PCMT1: variants seen among roughly 807,000 people sequenced by gnomAD.
PCMT1 encodes protein-L-isoaspartate (D-aspartate) O-methyltransferase.
A neutral mutation model predicts 29.2 loss-of-function variants in PCMT1; 9 were observed. The observed-to-expected ratio is 0.31, with a 90% CI of 0.19 to 0.54. The LOEUF (loss-of-function observed/expected upper bound fraction) is 0.54, where lower values mean the gene tolerates loss of function less well. Among genes scored for constraint, PCMT1 ranks in the 20% least tolerant of loss-of-function variants. The probability of loss-of-function intolerance (pLI) is 0.95; values close to 1 mark genes in which losing one functional copy is unlikely to be tolerated. For synonymous variants in PCMT1, 98 were observed against 97.5 expected (o/e 1.00, Z -0.03); for missense variants, 184 against 282.2 (o/e 0.65, Z 2.49).
chr6:149,777,901 A>C (rs530656517), intron 3 of PCMT1, among the ~76,000 whole-genome samples: 13 of 132,580 alleles, frequency 9.8e-5, no homozygotes, highest in African/African-American at 3.7e-4. Context: ...TTTTTCCACA[A>C]AGTCTCACTC....
intron 1 of PCMT1, among the ~76,000 whole-genome samples, chr6:149,751,476 CT>C (rs76128652): frequency 2.8e-3 from 332 of 116,514 alleles, no homozygotes; most frequent in African/African-American, 7.9e-3. Context: ...ATGGTTGGTA[CT>C]TTTTTTTTTT....
At chr6:149,757,977 G>A (rs897890366) in intron 1 of PCMT1, among the ~76,000 whole-genome samples, 17 of 152,026 alleles carry the variant, frequency 1.1e-4, no homozygotes, top group African/African-American at 4.1e-4. Flanking sequence ...CTGCCTCTCC[G>A]GTTTAAGTGA....
chr6:149,796,240 C>A, intron 5 of PCMT1, 175 bp from the exon 6 acceptor site: 4 of 433,532 alleles, frequency 9.2e-6, no homozygotes, highest in Non-Finnish European at 1.6e-5. Flanking sequence ...TGTTTCTGAC[C>A]AAACAAAAAA....
At chr6:149,810,126 A>G (rs1208652604) in intron 7 of PCMT1, 2 of 153,910 alleles carry the variant, frequency 1.3e-5, no homozygotes, top group African/African-American at 2.4e-5. Flanking sequence ...GCTGACAGGT[A>G]TATTATACCT....
intron 1 of PCMT1, among the ~76,000 whole-genome samples, chr6:149,758,385 AT>A (rs59820011): frequency 0.44 from 64,754 of 147,812 alleles, 15,067 homozygotes; most frequent in East Asian, 0.81. Context: ...TAATTTTTGT[AT>A]TTTTTAGTAG....
Position 149,793,661 on chromosome 6 carries a change from A to T in PCMT1, c.410A>T (p.Gln137Leu). The change falls in exon 5 of 8, where the codon CAG becomes CTG. Residue 137 changes from glutamine to leucine, a missense_variant. By Grantham distance (113) the Gln-to-Leu change is moderately radical. Coordinates refer to ENST00000464889, the MANE Select transcript of PCMT1 (RefSeq NM_001360452.2). Reference sequence around the variant, plus strand: ...ACACTTCTGTCTTCAGGGAGAGTACAGCTTGTTGGTAAGTATCAGAAAACT... The same window carrying T: ...ACACTTCTGTCTTCAGGGAGAGTACTGCTTGTTGGTAAGTATCAGAAAACT... ...DPTLLSSGRV[Q>L]LVVGDGRMGY... 6.5e-7 allele frequency: 1 copy of T among 1,539,672 alleles called. No individual in the cohort carries two copies. The highest frequency in any genetic ancestry group is 8.6e-7 in the Non-Finnish European group (1 of 1,156,858).
At position 149,772,415 on chromosome 6, in the gene PCMT1, CAG is replaced by C. The variant is rs1173954898; in HGVS notation, c.161-721_161-720del. 8.7e-5 allele frequency: 27 copies of C among 311,556 alleles called. 1 individual carries two copies. The highest frequency in any genetic ancestry group is 6.3e-6 in the Non-Finnish European group (1 of 159,340). 19.3% of individuals were successfully genotyped at this position (311,556 alleles called of 1,614,324 possible). A position where few individuals can be genotyped will look rare whatever the true frequency, so the allele number is the denominator to read the frequency against. ...TTATTCTAGTTTTTTTTTAAGTTGA[CAG>C]AAATATGAAGCAATTTAATTTTGCA... On this transcript the variant is annotated intron_variant, in intron 2 of 7. Transcript: ENST00000464889.
chr6:149,776,020 G>A (rs1271630089), intron 3 of PCMT1, among the ~76,000 whole-genome samples: 13 of 151,976 alleles, frequency 8.6e-5, no homozygotes, highest in African/African-American at 3.1e-4. Context: ...TTAGCTGGGC[G>A]TGGTGGCGCA....
At chr6:149,809,166 G>A (rs2115354926) in intron 7 of PCMT1, among the ~76,000 whole-genome samples, 1 of 140,604 alleles carries the variant, frequency 7.1e-6, no homozygotes, top group East Asian at 2.3e-4. Context: ...GGCTGAGGCA[G>A]GAGAATTGCT....
At chr6:149,773,545 ATTT>A (rs1280095059) in intron 3 of PCMT1, among the ~76,000 whole-genome samples, 1 of 152,008 alleles carries the variant, frequency 6.6e-6, no homozygotes, top group Non-Finnish European at 1.5e-5. Context: ...TGCCCGGCTA[ATTT>A]TTTATATTTT....
chr6:149,794,512 G>C (rs1464474585), intron 5 of PCMT1, among the ~76,000 whole-genome samples: 2 of 152,168 alleles, frequency 1.3e-5, no homozygotes, highest in Admixed American at 6.5e-5. Flanking sequence ...TAGCTACTCG[G>C]GAGGCTGAGG....
At chr6:149,785,685 G>A (rs1335554941) in intron 3 of PCMT1, among the ~76,000 whole-genome samples, 1 of 152,034 alleles carries the variant, frequency 6.6e-6, no homozygotes, top group African/African-American at 2.4e-5. Flanking sequence ...TTAACCCTGA[G>A]TGGACACAGC....
At chr6:149,792,630 A>G (rs879868948) in intron 4 of PCMT1, among the ~76,000 whole-genome samples, 5 of 151,830 alleles carry the variant, frequency 3.3e-5, no homozygotes, top group African/African-American at 1.2e-4. Flanking sequence ...CTCACACCAC[A>G]TCAGCCTCCT....
intron 1 of PCMT1, among the ~76,000 whole-genome samples, chr6:149,770,596 C>G (rs561582342): frequency 9.3e-4 from 141 of 151,456 alleles, no homozygotes; most frequent in African/African-American, 3.4e-3. Flanking sequence ...GTCGCAGCTA[C>G]TTGGGAGGCT....
At chr6:149,797,679 G>A (rs1374914352) in intron 6 of PCMT1, 1 of 152,132 alleles carries the variant, frequency 6.6e-6, no homozygotes, top group African/African-American at 2.4e-5. Context: ...TGTTACATAT[G>A]GCTTTTGCGT....
chr6:149,772,000 GTGTT>G (rs1787347001), intron 2 of PCMT1: 1 of 456,570 alleles, frequency 2.2e-6, no homozygotes, highest in Non-Finnish European at 4.4e-6. Flanking sequence ...TTTTTGGCTT[GTGTT>G]TGTTTTTAGA....
intron 3 of PCMT1, among the ~76,000 whole-genome samples, chr6:149,788,487 A>G (rs1354860730): frequency 6.6e-6 from 1 of 152,124 alleles, no homozygotes; most frequent in African/African-American, 2.4e-5. Context: ...ATTTTTACGA[A>G]TATGGGCCAT....
intron 3 of PCMT1, among the ~76,000 whole-genome samples, chr6:149,788,509 A>G (rs1788217391): frequency 6.6e-6 from 1 of 152,166 alleles, no homozygotes; most frequent in African/African-American, 2.4e-5. Flanking sequence ...TATTTTGTAT[A>G]ATGTCCCTCA....
chr6:149,765,980 ATT>A (rs58014361), intron 1 of PCMT1, among the ~76,000 whole-genome samples: 5 of 145,056 alleles, frequency 3.4e-5, no homozygotes, highest in Admixed American at 6.9e-5. Flanking sequence ...AAAAAAATAA[ATT>A]TTTTTTTTTT....
Sources: allele counts gnomAD v4.1 joint callset (sites outside exome capture counted in the v4.1 genomes callset), GRCh38; gene constraint gnomAD v4.1.1; transcripts MANE v1.5; gene names NCBI Gene and HGNC (gene_info 2026-07-23, HGNC 2026-07-21).